The following CTPS2 variants were observed in gnomAD, a reference collection of about 807,000 sequenced individuals.
The protein encoded by CTPS2 is CTP synthase 2, also known as CTP synthase II.
Under a neutral mutation model 46.8 loss-of-function variants are expected in CTPS2, and 19 were observed. That is an observed-to-expected ratio of 0.41 (90% confidence interval 0.28 to 0.60). The LOEUF (loss-of-function observed/expected upper bound fraction) is 0.60, where lower values mean the gene tolerates loss of function less well. Among genes scored for constraint, CTPS2 ranks in the 20% least tolerant of loss-of-function variants. CTPS2 has a pLI of 0.35. For synonymous variants in CTPS2, 151 were observed against 165.2 expected, an observed-to-expected ratio of 0.91 and a Z score of 0.66; for missense variants, 286 against 447.6, an observed-to-expected ratio of 0.64 and a Z score of 3.26.
intron 9 of CTPS2, among the ~76,000 whole-genome samples, chrX:16,680,704 C>T (rs980812314): frequency 9.1e-6 from 1 of 110,075 alleles, no homozygotes; most frequent in Non-Finnish European, 1.9e-5. Context: ...ATGGGGCGGG[C>T]GACTTGAAGG....
At chrX:16,635,784 T>C (rs777844452) in intron 14 of CTPS2, among the ~76,000 whole-genome samples, 2 of 112,507 alleles carry the variant, frequency 1.8e-5, no homozygotes, top group Non-Finnish European at 1.9e-5. Flanking sequence ...GGCACAGCCT[T>C]TTTTGGAGAC....
chrX:16,617,264 A>C lies in CTPS2; in HGVS notation c.1450-18T>G. 8.7e-7 allele frequency: 1 copy of C among 1,152,311 alleles called. No homozygotes were observed. The highest frequency in any genetic ancestry group is 1.2e-6 in the Non-Finnish European group (1 of 845,096). The allele number at this position is 1,152,311 out of a possible 1,213,427, so 95.0% of individuals were successfully genotyped here. ...GGGTTTACCTGCAAAACAAGAAATT[A>C]AGTGTTTATGGGCCACAGTGCAATA... On this transcript the variant is annotated intron_variant, in intron 15 of 18. Coordinates refer to ENST00000359276, the MANE Select transcript of CTPS2 (RefSeq NM_175859.3).
At chrX:16,625,658 C>A (rs1368861440) in intron 14 of CTPS2, among the ~76,000 whole-genome samples, 7 of 111,355 alleles carry the variant, frequency 6.3e-5, no homozygotes. Context: ...CACACATGGG[C>A]TTGAAGGATG....
At chrX:16,703,807 C>T (rs4831054) in intron 1 of CTPS2, among the ~76,000 whole-genome samples, 61,338 of 110,841 alleles carry the variant, frequency 0.55, 13,753 homozygotes, top group African/African-American at 0.86. Context: ...GACCTCAACT[C>T]TATCATGCAA....
chrX:16,669,717 G>A (rs898273925), intron 11 of CTPS2, among the ~76,000 whole-genome samples: 12 of 109,773 alleles, frequency 1.1e-4, no homozygotes, highest in Non-Finnish European at 1.7e-4. Flanking sequence ...GTAATGGGGG[G>A]AAATAAATGG....
chrX:16,603,395 AAC>A (rs1176130551), intron 17 of CTPS2, among the ~76,000 whole-genome samples: 48 of 105,095 alleles, frequency 4.6e-4, no homozygotes, highest in African/African-American at 1.6e-3. Context: ...CAGCCTGGGC[AAC>A]AGAGTGAGAC....
chrX:16,593,294 T>C (rs1204377828), intron 17 of CTPS2, among the ~76,000 whole-genome samples: 1 of 109,282 alleles, frequency 9.2e-6, no homozygotes. Flanking sequence ...CCGGGTGTGG[T>C]GGCGGGCGCC....
chrX:16,648,857 A>G (rs1932458595), intron 13 of CTPS2, among the ~76,000 whole-genome samples: 1 of 112,321 alleles, frequency 8.9e-6, no homozygotes, highest in African/African-American at 3.2e-5. Context: ...AGGCCCTAGA[A>G]TTTTAGAGCT....
At chrX:16,686,990 T>G (rs1923257586) in intron 8 of CTPS2, among the ~76,000 whole-genome samples, 2 of 111,414 alleles carry the variant, frequency 1.8e-5, no homozygotes, top group South Asian at 7.5e-4. Context: ...CACTGATTGC[T>G]GGCAGCCACC....
intron 7 of CTPS2, among the ~76,000 whole-genome samples, chrX:16,690,009 A>G (rs1391623810): frequency 4.6e-5 from 5 of 109,070 alleles, no homozygotes; most frequent in Non-Finnish European, 9.5e-5. Flanking sequence ...TCGAGATCGC[A>G]CCATTGCATA....
intron 9 of CTPS2, among the ~76,000 whole-genome samples, chrX:16,679,281 C>T (rs1922541061): frequency 9.0e-6 from 1 of 110,886 alleles, no homozygotes; most frequent in Non-Finnish European, 1.9e-5. Context: ...TCACATGAAC[C>T]CAGGAGGCAG....
At position 16,591,737 on chromosome X, in the gene CTPS2, A is replaced by G. The variant is rs1928911891; in HGVS notation, c.1692-875T>C. On this transcript the variant is annotated intron_variant, in intron 17 of 18. Coordinates refer to ENST00000359276, the MANE Select transcript of CTPS2 (RefSeq NM_175859.3). The stretch of plus-strand genomic sequence containing the variant: ...ACCTTCCCCCACTGAAGCAGGTCAT[A>G]ACACCCCGGAAGGATTTTCTGACCT... 2.7e-5 allele frequency among the ~76,000 whole-genome samples: 3 copies of G among 110,960 alleles called. No individual in the cohort carries two copies. In the Admixed American group the frequency reaches 2.9e-4, roughly 11 times the overall value.
chrX:16,606,918 A>G (rs962527490), intron 17 of CTPS2, among the ~76,000 whole-genome samples: 6 of 111,895 alleles, frequency 5.4e-5, no homozygotes, highest in African/African-American at 1.6e-4. Flanking sequence ...CGTCTGGCTA[A>G]TTTTTGTACA....
intron 6 of CTPS2, 131 bp from the exon 7 acceptor site, chrX:16,691,751 T>C: frequency 3.9e-6 from 2 of 508,014 alleles, no homozygotes; most frequent in Admixed American, 3.1e-5. Context: ...CTATTAGAAA[T>C]TGGTCTGAGC....
At chrX:16,660,817 T>C (rs1247409350) in intron 13 of CTPS2, among the ~76,000 whole-genome samples, 1 of 111,320 alleles carries the variant, frequency 9.0e-6, no homozygotes, top group Non-Finnish European at 1.9e-5. Context: ...GCAAGAACTT[T>C]TCTTTCTCTG....
At chrX:16,685,684 C>G (rs192913876) in intron 8 of CTPS2, among the ~76,000 whole-genome samples, 3 of 104,757 alleles carry the variant, frequency 2.9e-5, no homozygotes, top group East Asian at 6.0e-4. Flanking sequence ...TGGTGAAACC[C>G]CATCTCTACT....
chrX:16,616,084 G>A (rs1650389456), intron 16 of CTPS2, among the ~76,000 whole-genome samples: 1 of 111,966 alleles, frequency 8.9e-6, no homozygotes, highest in African/African-American at 3.2e-5. Context: ...TGGACGTGGT[G>A]CACAGGCAGT....
intron 17 of CTPS2, among the ~76,000 whole-genome samples, chrX:16,592,786 G>T (rs1928980811): frequency 8.9e-6 from 1 of 111,880 alleles, no homozygotes; most frequent in African/African-American, 3.3e-5. Flanking sequence ...TCCAAGAGTT[G>T]GAGAAATAAT....
At chrX:16,680,711 A>G (rs5980318) in intron 9 of CTPS2, among the ~76,000 whole-genome samples, 12,040 of 110,273 alleles carry the variant, frequency 0.11, 962 homozygotes, top group African/African-American at 0.27. Flanking sequence ...GGGCGACTTG[A>G]AGGAGTGGGA....
Sources: allele counts gnomAD v4.1 joint callset (sites outside exome capture counted in the v4.1 genomes callset), GRCh38; gene constraint gnomAD v4.1.1; transcripts MANE v1.5; gene names NCBI Gene and HGNC (gene_info 2026-07-23, HGNC 2026-07-21).